The following NDRG4 variants were observed in gnomAD, a reference collection of about 807,000 sequenced individuals.
NDRG4 encodes the protein protein NDRG4.
NDRG4 carries 38 observed loss-of-function variants against 55.8 expected under a neutral mutation model. The observed-to-expected ratio is 0.68, with a 90% CI of 0.53 to 0.89. NDRG4 has a LOEUF of 0.89. Among genes scored for constraint, NDRG4 ranks in the 40% least tolerant of loss-of-function variants. The pLI is 0.00. For synonymous variants in NDRG4, 190 were observed against 182.7 expected, an observed-to-expected ratio of 1.04 and a Z score of -0.32; for missense variants, 455 against 468.6, an observed-to-expected ratio of 0.97 and a Z score of 0.27.
intron 2 of NDRG4, among the ~76,000 whole-genome samples, chr16:58,490,325 A>G (rs1372564444): frequency 2.0e-5 from 3 of 151,950 alleles, no homozygotes; most frequent in Non-Finnish European, 4.4e-5. Flanking sequence ...AGGGCCCCCC[A>G]GTACAATGGG....
intron 1 of NDRG4, among the ~76,000 whole-genome samples, chr16:58,480,793 A>G (rs888498242): frequency 1.3e-5 from 2 of 152,174 alleles, no homozygotes; most frequent in African/African-American, 4.8e-5. Flanking sequence ...TCAGTGGGTT[A>G]GCAAGATGAT....
intron 1 of NDRG4, among the ~76,000 whole-genome samples, chr16:58,469,000 G>A (rs1194376656): frequency 6.6e-6 from 1 of 152,178 alleles, no homozygotes; most frequent in Non-Finnish European, 1.5e-5. Context: ...AATGGTCCCT[G>A]GGGAGCCTCA....
At chr16:58,502,025 G>A (rs2037215838) in intron 1 of NDRG4, 1 of 455,842 alleles carries the variant, frequency 2.2e-6, no homozygotes, top group African/African-American at 2.0e-5. Flanking sequence ...AGGGCTGCCT[G>A]GTCAGGAGCT....
intron 2 of NDRG4, among the ~76,000 whole-genome samples, chr16:58,489,453 AC>A (rs1210847982): frequency 6.6e-6 from 1 of 151,578 alleles, no homozygotes; most frequent in African/African-American, 2.4e-5. Flanking sequence ...TGCTTGGGAT[AC>A]ACTAGCCCAG....
At chr16:58,470,898 C>A (rs1470117951) in intron 1 of NDRG4, among the ~76,000 whole-genome samples, 1 of 113,456 alleles carries the variant, frequency 8.8e-6, no homozygotes, top group Admixed American at 9.6e-5. Context: ...CAGAGCAAGA[C>A]ACCATCTCCA....
chr16:58,467,111 TCA>T (rs2031836862), intron 1 of NDRG4, among the ~76,000 whole-genome samples: 1 of 152,226 alleles, frequency 6.6e-6, no homozygotes, highest in South Asian at 2.1e-4. Flanking sequence ...GAGGCTAGGC[TCA>T]CACAGCCCAC....
chr16:58,486,954 C>G (rs2035166312), intron 1 of NDRG4, among the ~76,000 whole-genome samples: 2 of 151,200 alleles, frequency 1.3e-5, no homozygotes, highest in South Asian at 4.2e-4. Flanking sequence ...CCACCCACCC[C>G]TCCCTGGCCC....
intron 1 of NDRG4, chr16:58,500,761 C>T: frequency 2.4e-6 from 1 of 413,494 alleles, no homozygotes; most frequent in East Asian, 3.6e-5. Flanking sequence ...CGTGCAGGGG[C>T]TGCCGTCCCA....
At chr16:58,515,353 T>C (rs2039077227), downstream of NDRG4, 1 of 625,186 alleles carries the variant, frequency 1.6e-6, no homozygotes, top group East Asian at 3.3e-5. Context: ...AGCGCGTGAG[T>C]GCAATTGGAG....
upstream of NDRG4, among the ~76,000 whole-genome samples, chr16:58,498,661 G>C (rs989448014): frequency 6.6e-6 from 1 of 152,192 alleles, no homozygotes; most frequent in Non-Finnish European, 1.5e-5. Context: ...CTTGGCTCTC[G>C]GGTATCTGGG....
At position 58,512,345 on chromosome 16, in the gene NDRG4, GAGA is replaced by G. The variant is rs753757640; in HGVS notation, c.*772_*774del. On this transcript the variant is annotated 3_prime_UTR_variant, in exon 15 of 15. Transcript: ENST00000570248. ...CACAGTGACCTGACTGGGGGTGAGGGAGAAGGAGGAGAGAGCCCATGTGTGGTG... is the reference window on the plus strand; with the variant it reads ...CACAGTGACCTGACTGGGGGTGAGGGAGGAGGAGAGAGCCCATGTGTGGTG... 56 of 327,930 alleles carry G rather than the reference GAGA, an allele frequency of 1.7e-4. No individual in the cohort carries two copies. The highest frequency in any genetic ancestry group is 1.0e-3 in the South Asian group (47 of 45,206). The allele number at this position is 327,930 out of a possible 1,614,324, so 20.3% of individuals were successfully genotyped here.
At position 58,464,571 on chromosome 16, in the gene NDRG4, G is replaced by A; in HGVS notation, c.-24+774G>A. The A allele has an allele frequency of 9.1e-7, 1 of 1,095,172 alleles. No individual in the cohort carries two copies. The highest frequency in any genetic ancestry group is 1.2e-6 in the Non-Finnish European group (1 of 844,792). The allele number at this position is 1,095,172 out of a possible 1,614,324, so 67.8% of individuals were successfully genotyped here. A position where few individuals can be genotyped will look rare whatever the true frequency, so the allele number is the denominator to read the frequency against. ...GCGGCTCGGGTCTGAGCAGGAAGGG[G>A]TGCGGACCCCAACTAAGTCCTAGTT... On this transcript the variant is annotated intron_variant, in intron 1 of 15. Coordinates refer to the NDRG4 transcript ENST00000258187. The surrounding 1 kb of genome is among the most constrained non-coding windows in gnomAD (Gnocchi z 4.8).
In NDRG4 at chr16:58,500,148, G is replaced by C. The variant is rs1445196685; in HGVS notation, c.-101G>C. 26 of 1,535,214 alleles carry C rather than the reference G, an allele frequency of 1.7e-5. No homozygotes were observed. Among genetic ancestry groups the C allele is most frequent in the Non-Finnish European group, 2.3e-5 (26 of 1,146,570 alleles). On this transcript the variant is annotated 5_prime_UTR_variant, in exon 1 of 15. Transcript: ENST00000570248. Reference sequence around the variant, plus strand: ...CCCAGGAGCTGTGCCCCATCACAGAGCCGACCATCTCCCACTCGAGCTGCC... The same window carrying C: ...CCCAGGAGCTGTGCCCCATCACAGACCCGACCATCTCCCACTCGAGCTGCC...
chr16:58,500,492 A>C, intron 1 of NDRG4: 1 of 294,810 alleles, frequency 3.4e-6, no homozygotes, highest in Non-Finnish European at 6.2e-6. Flanking sequence ...AGCCCATAGC[A>C]GGGGCTGGGG....
intron 2 of NDRG4, among the ~76,000 whole-genome samples, chr16:58,491,662 G>A (rs1388692815): frequency 6.6e-6 from 1 of 152,008 alleles, no homozygotes; most frequent in African/African-American, 2.4e-5. Flanking sequence ...GTTTCTCCAT[G>A]TTGGTCAGGC....
At chr16:58,505,278 G>A (rs8056038) in intron 5 of NDRG4, among the ~76,000 whole-genome samples, 96,916 of 151,168 alleles carry the variant, frequency 0.64, 33,242 homozygotes, top group East Asian at 0.96. Context: ...GAACCCGGGA[G>A]GCGGAGCTTG....
chr16:58,464,377 C>G lies in NDRG4; in HGVS notation c.-24+580C>G. 5 of 1,362,372 alleles carry G rather than the reference C, an allele frequency of 3.7e-6. No homozygotes were observed. Among genetic ancestry groups the G allele is most frequent in the Non-Finnish European group, 3.8e-6 (4 of 1,061,462 alleles). 84.4% of individuals were successfully genotyped at this position (1,362,372 alleles called of 1,614,324 possible). On this transcript the variant is annotated intron_variant, in intron 1 of 15. Transcript: ENST00000258187. The surrounding 1 kb of genome is among the most constrained non-coding windows in gnomAD (Gnocchi z 4.8). ...CCCGCGCTCCTCTCCCCGGCTCGGC[C>G]GAGCGCGCTGCCCCGACGCCGCCAC...
At position 58,500,262 on chromosome 16, in the gene NDRG4, G is replaced by C; in HGVS notation, c.14G>C (p.Trp5Ser). The change falls in exon 1 of 15, where the codon TGG becomes TCG. Residue 5 changes from tryptophan (W) to serine (S), a missense_variant. By Grantham distance (177) the Trp-to-Ser change is radical. Coordinates refer to ENST00000570248, the MANE Select transcript of NDRG4 (RefSeq NM_001242835.2). ...TCCCTCGGCAAGATGCCGGAGTGCT[G>C]GGATGGGGTGAGTGAGGGCGCTGCG... MPECWDGEHDIETPY... is the reference protein window; with the variant it reads MPECSDGEHDIETPY... The C allele has an allele frequency of 6.5e-7, 1 of 1,536,020 alleles. No individual in the cohort carries two copies. Among genetic ancestry groups the C allele is most frequent in the Non-Finnish European group, 8.7e-7 (1 of 1,146,876 alleles).
chr16:58,505,980 C>T (rs568034695), intron 5 of NDRG4: 1 of 319,184 alleles, frequency 3.1e-6, no homozygotes. Context: ...CCTTGGCCTC[C>T]CAAAGTGCTG....
Sources: allele counts gnomAD v4.1 joint callset (sites outside exome capture counted in the v4.1 genomes callset), GRCh38; gene constraint gnomAD v4.1.1; non-coding constraint Gnocchi (gnomAD v3.1); transcripts MANE v1.5; gene names NCBI Gene and HGNC (gene_info 2026-07-23, HGNC 2026-07-21).